Variants in SIPA1L3 observed in about 807,000 individuals in gnomAD.
The protein encoded by SIPA1L3 is signal induced proliferation associated 1 like 3, also known as signal-induced proliferation-associated 1-like protein 3.
Under a neutral mutation model 150.1 loss-of-function variants are expected in SIPA1L3, and 59 were observed. The ratio of observed to expected loss-of-function variants is 0.39; its 90% CI spans 0.32 to 0.49. The LOEUF is 0.49. SIPA1L3 is among the 20% of genes least tolerant of loss of function. The pLI is 0.86. For missense variants in SIPA1L3, 2,211 were observed against 2,489.5 expected, an observed-to-expected ratio of 0.89 and a Z score of 2.38; for synonymous variants, 1,070 against 1,077.6, an observed-to-expected ratio of 0.99 and a Z score of 0.14.
chr19:37,995,919 GGTTT>G (rs758192892), intron 1 of SIPA1L3, among the ~76,000 whole-genome samples: 25 of 152,224 alleles, frequency 1.6e-4, no homozygotes, highest in Non-Finnish European at 2.6e-4. Context: ...AGTCTTCAGT[GGTTT>G]GTTTTGTTCC....
chr19:38,042,228 T>A (rs1725515), intron 2 of SIPA1L3, among the ~76,000 whole-genome samples: 1 of 152,006 alleles, frequency 6.6e-6, no homozygotes, highest in Non-Finnish European at 1.5e-5. Context: ...TTTTTGTGTA[T>A]GGTATAAGAT....
chr19:38,133,705 TC>T, intron 10 of SIPA1L3, among the ~76,000 whole-genome samples: 1 of 152,168 alleles, frequency 6.6e-6, no homozygotes, highest in East Asian at 1.9e-4. Flanking sequence ...TCCCAGCTCT[TC>T]CCCTTGTTAC....
At chr19:37,911,901 T>G (rs1271543115) in intron 1 of SIPA1L3, among the ~76,000 whole-genome samples, 1 of 151,454 alleles carries the variant, frequency 6.6e-6, no homozygotes, top group Non-Finnish European at 1.5e-5. Flanking sequence ...AAACCCCGTC[T>G]CTACTAAAAA....
rs1259663404 is a variant in SIPA1L3, at chr19:38,088,762, G to A, written c.1576G>A (p.Val526Met). 1 of 1,614,154 alleles carries A rather than the reference G, an allele frequency of 6.2e-7. No individual in the cohort carries two copies. ...CGGCGTGGATGAGAAGCTGGGGCCAGTGGCTGTGAGCATTAAGCGGGAGAA... is the reference window on the plus strand; with the variant it reads ...CGGCGTGGATGAGAAGCTGGGGCCAATGGCTGTGAGCATTAAGCGGGAGAA... ...YFGVDEKLGPVAVSIKREKLE... is the reference protein window; with the variant it reads ...YFGVDEKLGPMAVSIKREKLE... Residue 526 changes from valine to methionine, a missense_variant, in exon 4 of 22, where the codon GTG becomes ATG. By Grantham distance (21) the Val-to-Met change is conservative. This residue lies in a region of SIPA1L3 where 625 missense variants were observed against 804.2 expected (regional missense o/e 0.78). Transcript: ENST00000222345.
chr19:38,084,208 G>T (rs1401000460), intron 3 of SIPA1L3, among the ~76,000 whole-genome samples: 1 of 152,088 alleles, frequency 6.6e-6, no homozygotes, highest in Admixed American at 6.6e-5. Context: ...CGTCACATCT[G>T]TGTTTCCAGG....
intron 8 of SIPA1L3, 34 bp from the exon 9 acceptor site, chr19:38,119,272 C>T (rs1376502993): frequency 3.2e-6 from 5 of 1,568,022 alleles, no homozygotes; most frequent in Non-Finnish European, 4.4e-6. Flanking sequence ...TAGTGCCTTT[C>T]TTCCCACCAT....
intron 2 of SIPA1L3, among the ~76,000 whole-genome samples, chr19:38,073,819 G>T (rs538102631): frequency 8.5e-5 from 13 of 152,142 alleles, no homozygotes; most frequent in Non-Finnish European, 1.8e-4. Flanking sequence ...TAGAAACCTC[G>T]CACGGAGTCC....
At chr19:38,117,076 T>G (rs1296575305) in intron 8 of SIPA1L3, among the ~76,000 whole-genome samples, 1 of 152,202 alleles carries the variant, frequency 6.6e-6, no homozygotes, top group Non-Finnish European at 1.5e-5. Context: ...GGCTCAGGGC[T>G]CCTTCCGCCC....
intron 13 of SIPA1L3, among the ~76,000 whole-genome samples, chr19:38,155,819 G>A (rs148913678): frequency 1.3e-4 from 20 of 152,262 alleles, no homozygotes; most frequent in East Asian, 5.8e-4. Flanking sequence ...ACAGTGTCAC[G>A]CCTATAATCC....
chr19:38,014,487 G>A (rs1315465224), intron 1 of SIPA1L3, among the ~76,000 whole-genome samples: 1 of 150,430 alleles, frequency 6.6e-6, no homozygotes, highest in East Asian at 1.9e-4. Context: ...CTTAATTCAC[G>A]TCCACCCCAA....
rs1465073288 is a variant in SIPA1L3, at chr19:38,147,183, T to A, written c.3533+4473T>A. ...TTCAAGCGATTCTCATGCCTCAACC[T>A]CCCATGAAGCTGGGATTACAGGTAC... On this transcript the variant is annotated intron_variant, in intron 12 of 21. Coordinates refer to ENST00000222345, the MANE Select transcript of SIPA1L3 (RefSeq NM_015073.3). Among the ~76,000 whole-genome samples, 3 of 152,064 alleles carry A rather than the reference T, an allele frequency of 2.0e-5. No homozygotes were observed. The East Asian group carries it at 5.8e-4, about 29-fold the overall frequency.
rs569098152 is a variant in SIPA1L3 at position 38,083,000 on chromosome 19, C to G, written c.1435C>G (p.Pro479Ala). The G allele has an allele frequency of 4.3e-6, 7 of 1,613,304 alleles. No homozygotes were observed. The highest frequency in any genetic ancestry group is 1.6e-4 in the Middle Eastern group (1 of 6,062). ...TNASISVLEV[P>A]KEQQRTQSRP... Reference sequence around the variant, plus strand: ...CGCCAGCATCTCGGTGTTGGAAGTTCCCAAGGAGCAGCAGCGGACGCAGAG... The same window carrying G: ...CGCCAGCATCTCGGTGTTGGAAGTTGCCAAGGAGCAGCAGCGGACGCAGAG... Residue 479 changes from proline (P) to alanine (A), a missense_variant, in exon 3 of 22, where the codon CCC becomes GCC. Transcript: ENST00000222345.
chr19:38,205,370 T>C (rs1225026764), intron 21 of SIPA1L3, among the ~76,000 whole-genome samples: 1 of 150,878 alleles, frequency 6.6e-6, no homozygotes, highest in Non-Finnish European at 1.5e-5. Flanking sequence ...GGGAGGAGAA[T>C]TGCTTGAACC....
At chr19:38,005,537 C>T (rs1187206657) in intron 1 of SIPA1L3, among the ~76,000 whole-genome samples, 4 of 152,130 alleles carry the variant, frequency 2.6e-5, no homozygotes, top group African/African-American at 7.2e-5. Context: ...TCCTTCAACA[C>T]ACTCCCAGGG....
intron 15 of SIPA1L3, among the ~76,000 whole-genome samples, chr19:38,166,910 G>A (rs994203304): frequency 6.6e-6 from 1 of 151,388 alleles, no homozygotes; most frequent in Non-Finnish European, 1.5e-5. Flanking sequence ...GTAGAATTGT[G>A]TCCATCTATA....
chr19:38,201,342 C>A (rs1358188568), intron 19 of SIPA1L3, among the ~76,000 whole-genome samples: 1 of 152,250 alleles, frequency 6.6e-6, no homozygotes, highest in Non-Finnish European at 1.5e-5. Context: ...TCACTGGCAG[C>A]CCCGTGCGAT....
At chr19:37,932,282 T>A (rs1224608201) in intron 1 of SIPA1L3, 4 of 152,328 alleles carry the variant, frequency 2.6e-5, no homozygotes, top group East Asian at 3.8e-4. Context: ...GAGCCGCCTT[T>A]GTTACCTTTG....
intron 2 of SIPA1L3, among the ~76,000 whole-genome samples, chr19:38,078,580 GCACACACACACAGA>G (rs148926181): frequency 0.17 from 24,154 of 145,996 alleles, 2,049 homozygotes; most frequent in African/African-American, 0.22. Context: ...ACAGAGACAC[GCACACACACACAGA>G]CACACACACA....
chr19:38,196,459 GT>G (rs1452031593), intron 18 of SIPA1L3, among the ~76,000 whole-genome samples: 16 of 149,682 alleles, frequency 1.1e-4, no homozygotes, highest in Admixed American at 6.6e-4. Context: ...CAAGGGCGGA[GT>G]GTGGAGGTCA....
Sources: allele counts gnomAD v4.1 joint callset (sites outside exome capture counted in the v4.1 genomes callset), GRCh38; gene constraint gnomAD v4.1.1; regional missense constraint gnomAD v4.1.1; transcripts MANE v1.5; gene names NCBI Gene and HGNC (gene_info 2026-07-23, HGNC 2026-07-21).